SLC4A4: variants seen among roughly 807,000 people sequenced by gnomAD.
SLC4A4 encodes solute carrier family 4 member 4.
SLC4A4 carries 27 observed loss-of-function variants against 111.5 expected under a neutral mutation model. The observed-to-expected ratio is 0.24, with a 90% CI of 0.18 to 0.33. The LOEUF (loss-of-function observed/expected upper bound fraction) is 0.33. Among genes scored for constraint, SLC4A4 ranks in the 10% least tolerant of loss-of-function variants. The pLI is 1.00. For synonymous variants in SLC4A4, 443 were observed against 463.4 expected, an observed-to-expected ratio of 0.96 and a Z score of 0.57; for missense variants, 909 against 1,315.5, an observed-to-expected ratio of 0.69 and a Z score of 4.78.
chr4:71,278,305 C>A (rs186315399), intron 3 of SLC4A4, among the ~76,000 whole-genome samples: 1 of 152,160 alleles, frequency 6.6e-6, no homozygotes, highest in Admixed American at 6.5e-5. Context: ...AATAATATTC[C>A]ATTGTATATA....
chr4:71,219,465 A>G (rs1219716581), intron 1 of SLC4A4, among the ~76,000 whole-genome samples: 1 of 152,224 alleles, frequency 6.6e-6, no homozygotes, highest in Non-Finnish European at 1.5e-5. Context: ...GTGCCTGGTT[A>G]CCCAAAAGCT....
chr4:71,407,652 A>C (rs1404962656), intron 7 of SLC4A4, among the ~76,000 whole-genome samples: 1 of 152,248 alleles, frequency 6.6e-6, no homozygotes, highest in Non-Finnish European at 1.5e-5. Context: ...ATTGGAATGC[A>C]ACTATCTAGA....
At chr4:71,248,973 T>C (rs1720871074) in intron 2 of SLC4A4, among the ~76,000 whole-genome samples, 1 of 152,226 alleles carries the variant, frequency 6.6e-6, no homozygotes, top group African/African-American at 2.4e-5. Context: ...TTTTATTCTG[T>C]AGCTCTTAGT....
intron 24 of SLC4A4, among the ~76,000 whole-genome samples, chr4:71,564,407 T>A (rs1737282166): frequency 6.6e-6 from 1 of 151,956 alleles, no homozygotes; most frequent in African/African-American, 2.4e-5. Flanking sequence ...ATATAACTTA[T>A]ATGCATTTGC....
intron 3 of SLC4A4, among the ~76,000 whole-genome samples, chr4:71,259,110 A>G (rs907087360): frequency 6.6e-6 from 1 of 152,178 alleles, no homozygotes; most frequent in African/African-American, 2.4e-5. Context: ...GCTGTGCTTC[A>G]TCCGTGGCAA....
chr4:71,225,710 T>C (rs1719006368), intron 1 of SLC4A4, among the ~76,000 whole-genome samples: 1 of 152,148 alleles, frequency 6.6e-6, no homozygotes, highest in African/African-American at 2.4e-5. Context: ...CAGGGGGCTG[T>C]ACATGATCAG....
chr4:71,369,112 G>A (rs1237035359), intron 6 of SLC4A4, among the ~76,000 whole-genome samples: 2 of 152,148 alleles, frequency 1.3e-5, no homozygotes, highest in African/African-American at 2.4e-5. Flanking sequence ...CCCCGAGTGC[G>A]GCGCACTCCC....
At chr4:71,551,436 G>A (rs1447921181) in intron 20 of SLC4A4, among the ~76,000 whole-genome samples, 3 of 151,820 alleles carry the variant, frequency 2.0e-5, no homozygotes, top group Non-Finnish European at 2.9e-5. Context: ...GATAGTAGTA[G>A]CTACCATTTA....
chr4:71,480,144 C>T (rs924400455), intron 14 of SLC4A4, among the ~76,000 whole-genome samples: 3 of 151,176 alleles, frequency 2.0e-5, no homozygotes, highest in Non-Finnish European at 4.4e-5. Context: ...ACCTCAGCCT[C>T]CTGAGTAGCT....
At chr4:71,072,375 A>G (rs1392618760) in intron 1 of SLC4A4, among the ~76,000 whole-genome samples, 4 of 152,212 alleles carry the variant, frequency 2.6e-5, no homozygotes, top group Non-Finnish European at 5.9e-5. Flanking sequence ...GTCATAGACT[A>G]AATTCCTTAG....
rs1361926617 is a variant in SLC4A4, at chr4:71,298,184, AAGTT to A, written c.254-41182_254-41179del. Among the ~76,000 whole-genome samples, 6 of 152,198 alleles carry A rather than the reference AAGTT, an allele frequency of 3.9e-5. No individual in the cohort carries two copies. In the East Asian group the frequency reaches 9.6e-4, roughly 24 times the overall value. ...TATTTAGTCTTGCTGGTACAATAAAAAGTTAGTAATAAATGCCCCATGAGCTGTC... is the reference window on the plus strand; with the variant it reads ...TATTTAGTCTTGCTGGTACAATAAAAAGTAATAAATGCCCCATGAGCTGTC... On this transcript the variant is annotated intron_variant, in intron 3 of 25. Coordinates refer to ENST00000264485, the MANE Select transcript of SLC4A4 (RefSeq NM_001098484.3).
chr4:71,546,205 AG>A (rs1474816468), intron 18 of SLC4A4, 144 bp from the exon 19 acceptor site: 1 of 701,274 alleles, frequency 1.4e-6, no homozygotes, highest in Non-Finnish European at 2.5e-6. Flanking sequence ...AATACAAAGA[AG>A]ATAAAGTCCC....
At chr4:71,409,803 G>C (rs1298247024) in intron 7 of SLC4A4, among the ~76,000 whole-genome samples, 1 of 152,166 alleles carries the variant, frequency 6.6e-6, no homozygotes, top group African/African-American at 2.4e-5. Context: ...CACAGGCCCA[G>C]AGGCCCAGTA....
intron 20 of SLC4A4, among the ~76,000 whole-genome samples, chr4:71,551,210 C>T (rs1466571147): frequency 1.3e-5 from 2 of 151,956 alleles, no homozygotes; most frequent in Non-Finnish European, 2.9e-5. Context: ...TTCACTGCTA[C>T]TTTTGTTGCC....
intron 16 of SLC4A4, among the ~76,000 whole-genome samples, chr4:71,511,044 A>G (rs185269581): frequency 9.2e-5 from 14 of 152,200 alleles, no homozygotes; most frequent in African/African-American, 2.6e-4. Context: ...GGATTTTACA[A>G]TGTATATCTT....
At chr4:71,081,547 A>G (rs777655084) in intron 1 of SLC4A4, among the ~76,000 whole-genome samples, 1 of 152,148 alleles carries the variant, frequency 6.6e-6, no homozygotes, top group Non-Finnish European at 1.5e-5. Context: ...GAGAAAAAGG[A>G]TGTTTCCTTG....
At chr4:71,472,369 C>T (rs1463274472) in intron 13 of SLC4A4, among the ~76,000 whole-genome samples, 1 of 151,824 alleles carries the variant, frequency 6.6e-6, no homozygotes, top group Non-Finnish European at 1.5e-5. Flanking sequence ...ATTCTAGGTA[C>T]CAGTGCTATG....
chr4:71,542,382 A>G (rs1353642487), intron 18 of SLC4A4, among the ~76,000 whole-genome samples: 1 of 152,060 alleles, frequency 6.6e-6, no homozygotes, highest in African/African-American at 2.4e-5. Flanking sequence ...TTATAGTCCC[A>G]ACAGAGCCAT....
At chr4:71,399,878 C>A (rs940428360) in intron 7 of SLC4A4, among the ~76,000 whole-genome samples, 10 of 152,106 alleles carry the variant, frequency 6.6e-5, no homozygotes, top group Admixed American at 3.9e-4. Context: ...TGGATTGTCA[C>A]CTTCCTTTCA....
Sources: gnomAD v4.1 joint callset for allele counts (sites outside exome capture counted in the v4.1 genomes callset) on GRCh38, gnomAD v4.1.1 for gene constraint, MANE v1.5 for transcripts, NCBI Gene and HGNC (gene_info 2026-07-23, HGNC 2026-07-21) for gene names.